HIVEP1: variants seen among roughly 807,000 people sequenced by gnomAD.
HIVEP1 encodes the protein HIVEP zinc finger 1.
Under a neutral mutation model 180.0 loss-of-function variants are expected in HIVEP1, and 36 were observed. The ratio of observed to expected loss-of-function variants is 0.20; its 90% CI spans 0.15 to 0.26. The LOEUF (loss-of-function observed/expected upper bound fraction) is 0.26, where lower values mean the gene tolerates loss of function less well. Ranked by LOEUF, HIVEP1 falls within the 10% of genes least tolerant of loss-of-function variation. The pLI is 1.00. For missense variants in HIVEP1, 3,143 were observed against 3,268.7 expected, an observed-to-expected ratio of 0.96 and a Z score of 0.94; for synonymous variants, 1,239 against 1,239.0, an observed-to-expected ratio of 1.00 and a Z score of 0.00.
At chr6:12,165,173 G>T (rs568923288), downstream of HIVEP1, 976 of 496,512 alleles carry the variant, frequency 2.0e-3, 18 homozygotes, top group South Asian at 0.014. Context: ...CCATACAACT[G>T]ATTGACCTAT....
chr6:12,074,133 T>A (rs774315851), intron 2 of HIVEP1, among the ~76,000 whole-genome samples: 2 of 152,232 alleles, frequency 1.3e-5, no homozygotes, highest in Non-Finnish European at 2.9e-5. Flanking sequence ...TATTTTCATC[T>A]CCACTAAAGC....
At position 12,147,439 on chromosome 6, in the gene HIVEP1, G is replaced by A. The variant is rs1022768236; in HGVS notation, c.6487+11547G>A. Among the ~76,000 whole-genome samples, 5 of 152,272 alleles carry A rather than the reference G, an allele frequency of 3.3e-5. No individual in the cohort carries two copies. In the East Asian group the frequency reaches 9.6e-4, roughly 29 times the overall value. On this transcript the variant is annotated intron_variant, in intron 7 of 8. Coordinates refer to ENST00000379388, the MANE Select transcript of HIVEP1 (RefSeq NM_002114.4). ...CACATATATCTGACTTTTATCCTGG[G>A]TTATGTTCTCAAATGTTCTGGAGAC...
At chr6:12,026,290 T>C (rs1768582499) in intron 2 of HIVEP1, among the ~76,000 whole-genome samples, 1 of 152,126 alleles carries the variant, frequency 6.6e-6, no homozygotes, top group African/African-American at 2.4e-5. Context: ...AAAAAATAAT[T>C]GGAGTGGAGT....
chr6:12,031,469 A>C (rs1043800793), intron 2 of HIVEP1, among the ~76,000 whole-genome samples: 4 of 152,202 alleles, frequency 2.6e-5, no homozygotes, highest in Non-Finnish European at 5.9e-5. Flanking sequence ...GCAGGACCTC[A>C]GCCTCAGGCG....
At chr6:12,027,356 G>T (rs959716379) in intron 2 of HIVEP1, among the ~76,000 whole-genome samples, 1 of 152,212 alleles carries the variant, frequency 6.6e-6, no homozygotes, top group East Asian at 1.9e-4. Flanking sequence ...TTGGGAAGAA[G>T]TCCACTTACT....
At chr6:12,108,557 C>A (rs181893243) in intron 3 of HIVEP1, among the ~76,000 whole-genome samples, 3 of 152,214 alleles carry the variant, frequency 2.0e-5, no homozygotes, top group Non-Finnish European at 4.4e-5. Flanking sequence ...TAATGCCCGG[C>A]GAGAAATCGA....
intron 3 of HIVEP1, among the ~76,000 whole-genome samples, chr6:12,091,448 C>CT (rs950150493): frequency 7.9e-5 from 12 of 152,154 alleles, no homozygotes; most frequent in Admixed American, 1.3e-4. Context: ...CCCTTTCTCT[C>CT]TTTTTTGTAA....
At chr6:12,152,114 C>T (rs775279474) in intron 7 of HIVEP1, among the ~76,000 whole-genome samples, 8 of 152,094 alleles carry the variant, frequency 5.3e-5, no homozygotes, top group Non-Finnish European at 7.4e-5. Flanking sequence ...CAGGATTATG[C>T]CACTGCACTC....
the HIVEP1 span, among the ~76,000 whole-genome samples, chr6:12,206,136 T>C: frequency 2.6e-5 from 4 of 152,012 alleles, no homozygotes; most frequent in African/African-American, 9.7e-5. Flanking sequence ...TTTGTTTTTG[T>C]TTTTGTTTTT....
intron 7 of HIVEP1, among the ~76,000 whole-genome samples, chr6:12,154,975 G>A (rs1316347517): frequency 6.6e-6 from 1 of 151,692 alleles, no homozygotes; most frequent in Non-Finnish European, 1.5e-5. Context: ...TTTTTTCAAT[G>A]TCATCATTTC....
At chr6:12,188,060 A>T in the HIVEP1 span, among the ~76,000 whole-genome samples, 3 of 152,350 alleles carry the variant, frequency 2.0e-5, no homozygotes, top group East Asian at 5.8e-4. Context: ...CTAGAAAATT[A>T]TCCTTTAAAA....
intron 2 of HIVEP1, among the ~76,000 whole-genome samples, chr6:12,026,962 A>C (rs913060319): frequency 5.3e-5 from 8 of 152,152 alleles, no homozygotes; most frequent in African/African-American, 1.9e-4. Flanking sequence ...TATTCTAGGG[A>C]TCAGTAAATC....
Position 12,049,862 on chromosome 6 carries a change from C to T in HIVEP1, c.40+34194C>T, listed in dbSNP as rs116734395. ...ATATTTTTGTTGTGAAATTTTTCTT[C>T]CTTTTTGATGTAACTGTTAGAATTT... On this transcript the variant is annotated intron_variant, in intron 2 of 8. Transcript: ENST00000379388. 7.5e-3 allele frequency among the ~76,000 whole-genome samples: 1,134 copies of T among 152,084 alleles called. 6 individuals are homozygous for T. Among genetic ancestry groups the T allele is most frequent in the Non-Finnish European group, 9.0e-3 (610 of 67,980 alleles).
upstream of HIVEP1, among the ~76,000 whole-genome samples, chr6:12,009,257 G>C (rs1767160908): frequency 6.6e-6 from 1 of 150,594 alleles, no homozygotes; most frequent in African/African-American, 2.4e-5. Flanking sequence ...TGGACGCAGC[G>C]GCGGGGGCGG....
intron 2 of HIVEP1, chr6:12,037,901 G>T: frequency 2.5e-6 from 1 of 394,866 alleles, no homozygotes; most frequent in Middle Eastern, 3.5e-4. Flanking sequence ...CGGAGGGGAG[G>T]GGAGTTCCTC....
downstream of HIVEP1, among the ~76,000 whole-genome samples, chr6:12,168,105 A>ACGCGTG (rs1760787411): frequency 3.4e-5 from 1 of 29,844 alleles, no homozygotes; most frequent in Non-Finnish European, 9.1e-5. Flanking sequence ...ATACACGTAT[A>ACGCGTG]TATGTATATT....
chr6:12,013,657 A>G (rs547391256), intron 1 of HIVEP1, among the ~76,000 whole-genome samples: 4 of 152,384 alleles, frequency 2.6e-5, no homozygotes, highest in East Asian at 3.9e-4. Context: ...CAACGAACGT[A>G]GTTAAGCATT....
intron 2 of HIVEP1, among the ~76,000 whole-genome samples, chr6:12,086,470 C>T (rs1265704118): frequency 6.6e-6 from 1 of 152,026 alleles, no homozygotes. Context: ...AAATTGTTAA[C>T]CCAGATCCCA....
the HIVEP1 span, among the ~76,000 whole-genome samples, chr6:12,183,877 G>A: frequency 1.3e-5 from 2 of 151,982 alleles, no homozygotes; most frequent in African/African-American, 4.8e-5. Context: ...ACAATAAATA[G>A]CTAACAAAAA....
Sources: gnomAD v4.1 joint callset for allele counts (sites outside exome capture counted in the v4.1 genomes callset) on GRCh38, gnomAD v4.1.1 for gene constraint, MANE v1.5 for transcripts, NCBI Gene and HGNC (gene_info 2026-07-23, HGNC 2026-07-21) for gene names.